The following ARID4B variants were observed in gnomAD, a reference collection of about 807,000 sequenced individuals.
ARID4B encodes AT-rich interaction domain 4B.
In ARID4B, 26 loss-of-function variants were observed where a neutral mutation model predicts 147.5. The ratio of observed to expected loss-of-function variants is 0.18; its 90% CI spans 0.13 to 0.24. The LOEUF is 0.24. ARID4B is among the 10% of genes least tolerant of loss of function. The probability of loss-of-function intolerance (pLI) is 1.00; values close to 1 mark genes in which losing one functional copy is unlikely to be tolerated. For synonymous variants in ARID4B, 512 were observed against 507.9 expected, an observed-to-expected ratio of 1.01 and a Z score of -0.11; for missense variants, 1,179 against 1,511.5, an observed-to-expected ratio of 0.78 and a Z score of 3.65.
chr1:235,319,865 A>C (rs1413054265), intron 2 of ARID4B, among the ~76,000 whole-genome samples: 1 of 152,018 alleles, frequency 6.6e-6, no homozygotes, highest in African/African-American at 2.4e-5. Flanking sequence ...GAGGTGACTC[A>C]CACCTGTAAT....
chr1:235,246,956 T>C (rs1017113737), intron 6 of ARID4B, among the ~76,000 whole-genome samples: 2 of 152,188 alleles, frequency 1.3e-5, no homozygotes, highest in Non-Finnish European at 2.9e-5. Flanking sequence ...ATTATGAAGA[T>C]AAAGCATCAA....
chr1:235,319,716 A>C (rs1428056322), intron 2 of ARID4B, among the ~76,000 whole-genome samples: 3 of 152,112 alleles, frequency 2.0e-5, no homozygotes, highest in Non-Finnish European at 4.4e-5. Flanking sequence ...TTTTAAAAAA[A>C]GGGAGGACGG....
At chr1:235,262,135 G>A (rs765609634) in intron 2 of ARID4B, among the ~76,000 whole-genome samples, 3 of 150,750 alleles carry the variant, frequency 2.0e-5, no homozygotes, top group Non-Finnish European at 3.0e-5. Flanking sequence ...GAGAAATGCT[G>A]TTACGAGTAA....
intron 9 of ARID4B, among the ~76,000 whole-genome samples, chr1:235,233,039 T>C (rs756868399): frequency 6.6e-6 from 1 of 152,154 alleles, no homozygotes; most frequent in Non-Finnish European, 1.5e-5. Context: ...AGTTTTGCCA[T>C]GTTAGCCAGG....
At chr1:235,252,956 G>T in intron 5 of ARID4B, 147 bp from the exon 6 acceptor site, 1 of 561,244 alleles carries the variant, frequency 1.8e-6, no homozygotes. Context: ...TTTCTAGTGA[G>T]TAACTTCAAA....
At chr1:235,263,393 G>A (rs1348155010) in intron 2 of ARID4B, among the ~76,000 whole-genome samples, 2 of 152,020 alleles carry the variant, frequency 1.3e-5, no homozygotes, top group Non-Finnish European at 2.9e-5. Flanking sequence ...ACCCATTTGC[G>A]TATTCTTTTC....
chr1:235,301,496 A>AC (rs1191489098), intron 2 of ARID4B, among the ~76,000 whole-genome samples: 1 of 150,032 alleles, frequency 6.7e-6, no homozygotes, highest in Non-Finnish European at 1.5e-5. Flanking sequence ...CTGTGATCAC[A>AC]CCACTGTACT....
intron 22 of ARID4B, among the ~76,000 whole-genome samples, chr1:235,173,772 ATATATATATATATATAT>A (rs1316147802): frequency 2.0e-4 from 3 of 14,672 alleles, no homozygotes; most frequent in African/African-American, 8.5e-4. Context: ...AAAAAAAAAA[ATATATATATATATATAT>A]ATATATATAT....
chr1:235,173,798 A>ATG (rs1663626215), intron 22 of ARID4B, among the ~76,000 whole-genome samples: 1 of 80,438 alleles, frequency 1.2e-5, no homozygotes, highest in Non-Finnish European at 2.4e-5. Flanking sequence ...ATATATATAT[A>ATG]TATATATATA....
chr1:235,223,225 G>C lies in ARID4B; in HGVS notation c.1006C>G (p.Arg336Gly). The change falls in exon 13 of 24, where the codon CGA (arginine) becomes GGA (glycine). Residue 336 changes from arginine (R) to glycine (G), a missense_variant. Arg to Gly is a moderately radical substitution (Grantham distance 125). Transcript: ENST00000264183. ...PINKRPVLGY[R>G]NLNLFKLFRL... ...AATAACTTAAAGAGATTCAAATTTC[G>C]ATATCCAAGTACAGGTCGTTTGTTA... The C allele has an allele frequency of 1.3e-6, 2 of 1,594,396 alleles. No homozygotes were observed. The highest frequency in any genetic ancestry group is 1.7e-6 in the Non-Finnish European group (2 of 1,170,814).
At chr1:235,263,247 T>C (rs2103122359) in intron 2 of ARID4B, among the ~76,000 whole-genome samples, 1 of 152,318 alleles carries the variant, frequency 6.6e-6, no homozygotes, top group South Asian at 2.1e-4. Flanking sequence ...ATAAATCAAC[T>C]AAAAGTTGCA....
chr1:235,300,597 CA>C (rs995667384), intron 2 of ARID4B, among the ~76,000 whole-genome samples: 1 of 152,104 alleles, frequency 6.6e-6, no homozygotes, highest in Admixed American at 6.6e-5. Flanking sequence ...ATAACACATA[CA>C]AAGCAGTACT....
At chr1:235,176,563 C>T (rs1264955854) in intron 21 of ARID4B, among the ~76,000 whole-genome samples, 1 of 151,416 alleles carries the variant, frequency 6.6e-6, no homozygotes, top group Non-Finnish European at 1.5e-5. Context: ...AAAGAAACTC[C>T]ACCACTGGTT....
chr1:235,186,126 C>T (rs978994854), intron 19 of ARID4B, among the ~76,000 whole-genome samples: 4 of 151,948 alleles, frequency 2.6e-5, no homozygotes, highest in Non-Finnish European at 2.9e-5. Flanking sequence ...CATGCCACCA[C>T]ACCCAGCTAA....
intron 2 of ARID4B, among the ~76,000 whole-genome samples, chr1:235,276,322 T>C (rs1671312675): frequency 6.6e-6 from 1 of 152,054 alleles, no homozygotes; most frequent in Non-Finnish European, 1.5e-5. Flanking sequence ...ATATAACCTC[T>C]GGCTATCAAT....
intron 8 of ARID4B, among the ~76,000 whole-genome samples, chr1:235,238,143 C>CAA (rs533707841): frequency 4.9e-5 from 4 of 80,914 alleles, no homozygotes; most frequent in South Asian, 4.4e-4. Context: ...AACTCCATCT[C>CAA]AAAAAAAAAA....
At chr1:235,205,656 T>C (rs1179789154) in intron 17 of ARID4B, among the ~76,000 whole-genome samples, 1 of 152,110 alleles carries the variant, frequency 6.6e-6, no homozygotes, top group Non-Finnish European at 1.5e-5. Context: ...CTAGAATATA[T>C]GAAGAACTAT....
intron 22 of ARID4B, among the ~76,000 whole-genome samples, chr1:235,174,330 C>A (rs539664878): frequency 1.3e-5 from 2 of 152,176 alleles, no homozygotes; most frequent in South Asian, 4.1e-4. Context: ...TGAGCCACTG[C>A]GCCCAGCCAT....
At chr1:235,217,337 A>G (rs1206549923) in intron 16 of ARID4B, among the ~76,000 whole-genome samples, 1 of 152,174 alleles carries the variant, frequency 6.6e-6, no homozygotes, top group Non-Finnish European at 1.5e-5. Context: ...CAAGAAAGAG[A>G]GCCTCTGAAA....
Sources: allele counts gnomAD v4.1 joint callset (sites outside exome capture counted in the v4.1 genomes callset), GRCh38; gene constraint gnomAD v4.1.1; transcripts MANE v1.5; gene names NCBI Gene and HGNC (gene_info 2026-07-23, HGNC 2026-07-21).